Variants in PIK3CB observed in about 807,000 individuals in gnomAD.
The protein encoded by PIK3CB is phosphatidylinositol 4,5-bisphosphate 3-kinase catalytic subunit beta isoform.
Under a neutral mutation model 136.8 loss-of-function variants are expected in PIK3CB, and 39 were observed. That is an observed-to-expected ratio of 0.29 (90% CI 0.22 to 0.37). The LOEUF (loss-of-function observed/expected upper bound fraction) is 0.37. PIK3CB is among the 10% of genes least tolerant of loss of function. The pLI is 1.00. For missense variants in PIK3CB, 868 were observed against 1,275.4 expected, an observed-to-expected ratio of 0.68 and a Z score of 4.87; for synonymous variants, 428 against 436.6, an observed-to-expected ratio of 0.98 and a Z score of 0.25.
chr3:138,681,672 C>T (rs749370125), intron 19 of PIK3CB, among the ~76,000 whole-genome samples: 30 of 152,060 alleles, frequency 2.0e-4, no homozygotes, highest in African/African-American at 7.2e-4. Flanking sequence ...TTGCCATGAC[C>T]CACAGTACAT....
At chr3:138,778,524 C>T (rs1199757324) in intron 2 of PIK3CB, 2 of 237,632 alleles carry the variant, frequency 8.4e-6, no homozygotes, top group East Asian at 1.4e-4. Flanking sequence ...TATGTCCCCA[C>T]AGCCAATGTG....
At chr3:138,757,977 T>A (rs2045603899) in intron 3 of PIK3CB, among the ~76,000 whole-genome samples, 1 of 152,130 alleles carries the variant, frequency 6.6e-6, no homozygotes, top group South Asian at 2.1e-4. Flanking sequence ...CAGAGTAGCA[T>A]AATATTCACA....
intron 13 of PIK3CB, among the ~76,000 whole-genome samples, chr3:138,697,022 T>C (rs1260815602): frequency 1.3e-5 from 2 of 152,212 alleles, no homozygotes; most frequent in Non-Finnish European, 2.9e-5. Context: ...TTTATAATTA[T>C]TAAAAATTAA....
intron 2 of PIK3CB, among the ~76,000 whole-genome samples, chr3:138,763,381 C>G (rs1159668158): frequency 6.6e-6 from 1 of 152,160 alleles, no homozygotes; most frequent in East Asian, 1.9e-4. Context: ...TCATGATCCA[C>G]CCGCCTCGGC....
chr3:138,802,219 C>CA (rs71146143), intron 1 of PIK3CB, among the ~76,000 whole-genome samples: 80 of 141,408 alleles, frequency 5.7e-4, no homozygotes, highest in African/African-American at 2.0e-3. Context: ...ACTAAAAATA[C>CA]AAAAAAAAAA....
At chr3:138,689,987 T>A (rs374579406) in intron 15 of PIK3CB, among the ~76,000 whole-genome samples, 1 of 152,126 alleles carries the variant, frequency 6.6e-6, no homozygotes. Context: ...ACTTAAAAAG[T>A]GATGTACATA....
At chr3:138,826,878 G>A (rs1034300260) in intron 1 of PIK3CB, among the ~76,000 whole-genome samples, 5 of 151,924 alleles carry the variant, frequency 3.3e-5, no homozygotes, top group African/African-American at 9.7e-5. Flanking sequence ...AGACCAGCCT[G>A]ACTAACATGG....
chr3:138,773,694 T>G (rs949565738), intron 2 of PIK3CB, among the ~76,000 whole-genome samples: 2 of 152,206 alleles, frequency 1.3e-5, no homozygotes, highest in Admixed American at 6.5e-5. Context: ...AGATTTCTAG[T>G]TTTTAGTCTA....
chr3:138,707,573 T>C lies in PIK3CB; in HGVS notation c.1400-284A>G, dbSNP rs983950377. ...TTCTCAATCTTGAAAAGACTTTAAT[T>C]GGAACTGCTCTCTCTCCATCAAAAT... is the stretch of plus-strand genomic sequence containing the variant. On this transcript the variant is annotated intron_variant, in intron 10 of 23. Transcript: ENST00000674063. 6 of 1,165,642 alleles carry C rather than the reference T, an allele frequency of 5.1e-6. No homozygotes were observed. The African/African-American group carries it at 9.8e-5, about 19-fold the overall frequency. 72.2% of individuals were successfully genotyped at this position (1,165,642 alleles called of 1,614,324 possible). A position where few individuals can be genotyped will look rare whatever the true frequency, so the allele number is the denominator to read the frequency against.
chr3:138,693,908 C>A (rs2044063333), intron 14 of PIK3CB, among the ~76,000 whole-genome samples: 1 of 123,616 alleles, frequency 8.1e-6, no homozygotes, highest in Admixed American at 9.6e-5. Flanking sequence ...ATGAGGACTT[C>A]AACTTTAACT....
intron 6 of PIK3CB, among the ~76,000 whole-genome samples, chr3:138,735,596 G>A (rs1056452153): frequency 5.3e-5 from 8 of 152,078 alleles, no homozygotes; most frequent in East Asian, 1.9e-4. Flanking sequence ...ATTACCAGCC[G>A]TCTTCCCATC....
At chr3:138,747,825 G>T (rs1222566727) in intron 4 of PIK3CB, among the ~76,000 whole-genome samples, 1 of 152,014 alleles carries the variant, frequency 6.6e-6, no homozygotes, top group Non-Finnish European at 1.5e-5. Context: ...CGTATAAGTG[G>T]CCCTGCACAG....
chr3:138,734,635 G>C lies in PIK3CB; in HGVS notation c.971C>G (p.Ser324Cys). Residue 324 changes from serine to cysteine, a missense_variant and splice_region_variant, in exon 7 of 24, where the codon TCT becomes TGT. Ser to Cys is a moderately radical substitution (Grantham distance 112). This residue lies in a region of PIK3CB where 612 missense variants were observed against 801.1 expected (regional missense o/e 0.76). Transcript: ENST00000674063. ...PLPPKKTRII[S>C]HVWENNNPFQ... ...TAAAGGTTCAGAAATAAAACTTACA[G>C]AAATAATTCGTGTTTTCTTTGGTGG... is the stretch of plus-strand genomic sequence containing the variant. The C allele has an allele frequency of 6.2e-7, 1 of 1,604,256 alleles. No individual in the cohort carries two copies. Among genetic ancestry groups the C allele is most frequent in the Non-Finnish European group, 8.5e-7 (1 of 1,173,332 alleles).
In PIK3CB at chr3:138,694,792, T is replaced by C. The variant is rs1159113643; in HGVS notation, c.1886A>G (p.Gln629Arg). 1.9e-6 allele frequency: 3 copies of C among 1,612,450 alleles called. No individual in the cohort carries two copies. The highest frequency in any genetic ancestry group is 2.5e-6 in the Non-Finnish European group (3 of 1,179,214). ...AACCACCTGCAGAAGATACCTCATC[T>C]GTCGCAGGCAGCCTACAGCATATTC... is the stretch of plus-strand genomic sequence containing the variant. Reference protein sequence around the residue: ...VREYAVGCLRQMSDEELSQYL... With the variant: ...VREYAVGCLRRMSDEELSQYL... The change falls in exon 14 of 24, where the codon CAG becomes CGG. Residue 629 changes from glutamine (Q) to arginine (R), a missense_variant. Around this residue, in one of 4 missense-constraint regions of PIK3CB, gnomAD observed 612 missense variants for 801.1 expected, o/e 0.76. Coordinates refer to ENST00000674063, the MANE Select transcript of PIK3CB (RefSeq NM_006219.3).
intron 16 of PIK3CB, among the ~76,000 whole-genome samples, chr3:138,685,420 A>AAAAAAAAAAAAAG (rs2043866681): frequency 1.2e-5 from 1 of 86,924 alleles, no homozygotes; most frequent in African/African-American, 3.4e-5. Flanking sequence ...AAAAAAAAAA[A>AAAAAAAAAAAAAG]AAAGAAAGAA....
intron 19 of PIK3CB, among the ~76,000 whole-genome samples, chr3:138,673,294 T>G (rs1040499025): frequency 1.3e-5 from 2 of 152,044 alleles, no homozygotes; most frequent in Non-Finnish European, 2.9e-5. Flanking sequence ...AAGATGTGAC[T>G]TCTTTGAAAA....
intron 19 of PIK3CB, among the ~76,000 whole-genome samples, chr3:138,678,067 G>A (rs1559807625): frequency 6.6e-6 from 1 of 152,080 alleles, no homozygotes; most frequent in Non-Finnish European, 1.5e-5. Context: ...GAGGCCAGGA[G>A]TTTGAGACCA....
chr3:138,781,303 A>C (rs902621549), intron 2 of PIK3CB, among the ~76,000 whole-genome samples: 4 of 151,744 alleles, frequency 2.6e-5, no homozygotes, highest in East Asian at 3.9e-4. Flanking sequence ...AAAAAAAAAA[A>C]AACAACAAAA....
At chr3:138,727,165 GA>G (rs2044857003) in intron 8 of PIK3CB, among the ~76,000 whole-genome samples, 1 of 152,176 alleles carries the variant, frequency 6.6e-6, no homozygotes, top group African/African-American at 2.4e-5. Context: ...AAGTGCCAGG[GA>G]GGCAGAGTGG....
Sources: allele counts gnomAD v4.1 joint callset (sites outside exome capture counted in the v4.1 genomes callset), GRCh38; gene constraint gnomAD v4.1.1; regional missense constraint gnomAD v4.1.1; transcripts MANE v1.5; gene names NCBI Gene and HGNC (gene_info 2026-07-23, HGNC 2026-07-21).